PIAS1: variants seen among roughly 807,000 people sequenced by gnomAD.
PIAS1 encodes the protein protein inhibitor of activated STAT 1.
PIAS1 carries 6 observed loss-of-function variants against 71.3 expected under a neutral mutation model. The observed-to-expected ratio is 0.08, with a 90% CI of 0.05 to 0.17. The LOEUF (loss-of-function observed/expected upper bound fraction) is 0.17. Ranked by LOEUF, PIAS1 falls within the 10% of genes least tolerant of loss-of-function variation. The pLI is 1.00. For missense variants in PIAS1, 555 were observed against 793.6 expected (o/e 0.70, Z 3.61); for synonymous variants, 303 against 292.9 (o/e 1.03, Z -0.35).
chr15:68,149,121 G>A (rs775139344), intron 6 of PIAS1, among the ~76,000 whole-genome samples: 5 of 152,118 alleles, frequency 3.3e-5, no homozygotes, highest in African/African-American at 4.8e-5. Flanking sequence ...TGAAGAATGG[G>A]CATTGGAGGA....
At position 68,088,279 on chromosome 15, in the gene PIAS1, A is replaced by G. The variant is rs185231190; in HGVS notation, c.469+1529A>G. On this transcript the variant is annotated intron_variant, in intron 2 of 13. Coordinates refer to ENST00000249636, the MANE Select transcript of PIAS1 (RefSeq NM_016166.3). ...TCTGTGTACATGTATGTATGTGTAC[A>G]TATGTGTTATGTATTGATCAGTTGA... Among the ~76,000 whole-genome samples the G allele has an allele frequency of 2.5e-3, 379 of 149,894 alleles. 11 individuals are homozygous for G. Among genetic ancestry groups the G allele is most frequent in the Non-Finnish European group, 6.5e-4 (44 of 67,582 alleles).
intron 2 of PIAS1, among the ~76,000 whole-genome samples, chr15:68,093,984 T>C (rs957672184): frequency 6.6e-6 from 1 of 152,204 alleles, no homozygotes; most frequent in East Asian, 1.9e-4. Flanking sequence ...ACACTTAAAT[T>C]GACCACATGG....
Position 68,193,043 on chromosome 15 carries a change from A to C in PIAS1, c.*5208A>C, listed in dbSNP as rs2093127425. On this transcript the variant is annotated 3_prime_UTR_variant, in exon 14 of 14. Transcript: ENST00000249636. ...TCCCAGAAAGCCTAGTGCTCCTACT[A>C]CTGTTTTCCAGGGCTGTTGTACCCT... The C allele has an allele frequency of 6.6e-6, 1 of 152,138 alleles. No homozygotes were observed. Among genetic ancestry groups the C allele is most frequent in the Non-Finnish European group, 1.5e-5 (1 of 68,064 alleles). The allele number at this position is 152,138 out of a possible 1,614,324, so 9.4% of individuals were successfully genotyped here.
intron 2 of PIAS1, among the ~76,000 whole-genome samples, chr15:68,119,237 CAAAAAAAA>C (rs60879036): frequency 0.025 from 697 of 27,406 alleles, 25 homozygotes; most frequent in African/African-American, 0.095. Flanking sequence ...CCATCTCTAC[CAAAAAAAA>C]AAAAAAAAAA....
intron 2 of PIAS1, among the ~76,000 whole-genome samples, chr15:68,120,076 G>A (rs2092600872): frequency 6.6e-6 from 1 of 152,186 alleles, no homozygotes; most frequent in Admixed American, 6.5e-5. Flanking sequence ...CTGAGTAGGT[G>A]GGACTACAGG....
At chr15:68,126,260 TA>T (rs1178680654) in intron 2 of PIAS1, among the ~76,000 whole-genome samples, 9 of 152,192 alleles carry the variant, frequency 5.9e-5, no homozygotes, top group African/African-American at 2.2e-4. Flanking sequence ...ACTAACCCTC[TA>T]ATTTTCAAAC....
At position 68,129,632 on chromosome 15, in the gene PIAS1, A is replaced by G. The variant is rs75920611; in HGVS notation, c.470-12314A>G. 2.6e-3 allele frequency among the ~76,000 whole-genome samples: 389 copies of G among 152,308 alleles called. 11 individuals carry two copies. The East Asian group carries it at 0.036, about 14-fold the overall frequency. ...AAAATTTAAGAAAAATAGAAGTAGT[A>G]TATTAAAGATAAAGGTAAAAATTAT... is the stretch of plus-strand genomic sequence containing the variant. On this transcript the variant is annotated intron_variant, in intron 2 of 13. Transcript: ENST00000249636.
intron 2 of PIAS1, among the ~76,000 whole-genome samples, chr15:68,122,714 C>T (rs1381334358): frequency 1.3e-5 from 2 of 152,120 alleles, no homozygotes; most frequent in African/African-American, 4.8e-5. Flanking sequence ...AGACTCTCTT[C>T]ATAAAGTGGG....
intron 2 of PIAS1, among the ~76,000 whole-genome samples, chr15:68,094,625 C>G (rs1012928581): frequency 6.6e-6 from 1 of 152,052 alleles, no homozygotes; most frequent in African/African-American, 2.4e-5. Context: ...TTCTTAATAT[C>G]CAGTGCCTGG....
Position 68,075,085 on chromosome 15 carries a change from T to C in PIAS1, c.25-11221T>C, listed in dbSNP as rs57518580. ...CATTTTCTTTCTTTCTTTCTTTTTT[T>C]TTTTTTTTTTTTTTTTTTTGAGGCG... is the stretch of plus-strand genomic sequence containing the variant. On this transcript the variant is annotated intron_variant, in intron 1 of 13. Coordinates refer to ENST00000249636, the MANE Select transcript of PIAS1 (RefSeq NM_016166.3). Among the ~76,000 whole-genome samples the C allele has an allele frequency of 5.9e-3, 732 of 125,022 alleles. 18 individuals carry two copies. The highest frequency in any genetic ancestry group is 0.026 in the African/African-American group (700 of 26,652). The allele number at this position is 125,022 out of a possible 152,430, so 82.0% of individuals were successfully genotyped here. A position where few individuals can be genotyped will look rare whatever the true frequency, so the allele number is the denominator to read the frequency against.
intron 2 of PIAS1, among the ~76,000 whole-genome samples, chr15:68,109,917 G>A (rs900960914): frequency 1.3e-5 from 2 of 152,116 alleles, no homozygotes; most frequent in African/African-American, 4.8e-5. Context: ...GGCTGCATGG[G>A]ATGTTAGTAG....
chr15:68,122,723 G>A (rs1042581469), intron 2 of PIAS1, among the ~76,000 whole-genome samples: 1 of 151,972 alleles, frequency 6.6e-6, no homozygotes, highest in African/African-American at 2.4e-5. Flanking sequence ...TCATAAAGTG[G>A]GGAACAAATG....
chr15:68,066,777 T>C (rs2092032755), intron 1 of PIAS1, among the ~76,000 whole-genome samples: 1 of 151,468 alleles, frequency 6.6e-6, no homozygotes, highest in Non-Finnish European at 1.5e-5. Flanking sequence ...AGGTAGCATC[T>C]TAAAGGTTAA....
chr15:68,055,854 C>T (rs774735151), intron 1 of PIAS1: 14 of 694,808 alleles, frequency 2.0e-5, no homozygotes, highest in Non-Finnish European at 2.9e-5. Context: ...ATATCCTCAC[C>T]GAAAGAGCTT....
At chr15:68,094,666 G>C (rs1186786860) in intron 2 of PIAS1, among the ~76,000 whole-genome samples, 1 of 152,090 alleles carries the variant, frequency 6.6e-6, no homozygotes, top group Non-Finnish European at 1.5e-5. Context: ...AAGGACGCAG[G>C]CTCTGATAAC....
At chr15:68,069,447 A>C (rs1342636863) in intron 1 of PIAS1, among the ~76,000 whole-genome samples, 1 of 152,184 alleles carries the variant, frequency 6.6e-6, no homozygotes, top group Non-Finnish European at 1.5e-5. Flanking sequence ...TTATATGCCA[A>C]ATCAGCTGTG....
At chr15:68,087,984 G>A in intron 2 of PIAS1, 1 of 234,622 alleles carries the variant, frequency 4.3e-6, no homozygotes. Context: ...ACTGACACAT[G>A]CTCATTGTAA....
At chr15:68,074,985 A>G (rs1423605764) in intron 1 of PIAS1, among the ~76,000 whole-genome samples, 2 of 151,438 alleles carry the variant, frequency 1.3e-5, no homozygotes, top group South Asian at 2.1e-4. Context: ...AAGAATGTGT[A>G]ATATGTTTTC....
chr15:68,069,675 G>C (rs2092071485), intron 1 of PIAS1, among the ~76,000 whole-genome samples: 1 of 151,866 alleles, frequency 6.6e-6, no homozygotes, highest in Non-Finnish European at 1.5e-5. Flanking sequence ...GGTGGCGCGG[G>C]AGCCTGTAGT....
Sources: allele counts gnomAD v4.1 joint callset (sites outside exome capture counted in the v4.1 genomes callset), GRCh38; gene constraint gnomAD v4.1.1; transcripts MANE v1.5; gene names NCBI Gene and HGNC (gene_info 2026-07-23, HGNC 2026-07-21).